TEX2: variants seen among roughly 807,000 people sequenced by gnomAD.
TEX2 encodes the protein testis-expressed protein 2.
In TEX2, 53 loss-of-function variants were observed where a neutral mutation model predicts 106.9. The observed-to-expected ratio is 0.50, with a 90% CI of 0.40 to 0.62. The LOEUF (loss-of-function observed/expected upper bound fraction) is 0.62, where lower values mean the gene tolerates loss of function less well. TEX2 is among the 20% of genes least tolerant of loss of function. The probability of loss-of-function intolerance (pLI) is 0.00; values close to 1 mark genes in which losing one functional copy is unlikely to be tolerated. For synonymous variants in TEX2, 523 were observed against 534.8 expected (o/e 0.98, Z 0.30); for missense variants, 1,207 against 1,379.0 (o/e 0.88, Z 1.98).
At chr17:64,194,801 C>T in intron 3 of TEX2, 94 bp downstream of exon 3, 1 of 1,255,528 alleles carries the variant, frequency 8.0e-7, no homozygotes, top group Non-Finnish European at 1.2e-6. Context: ...CGACCACAAA[C>T]CTTTTTAGGG....
rs1312607110 is a variant in TEX2, at chr17:64,147,465, G to C, written c.*1504C>G. 6.6e-6 allele frequency: 1 copy of C among 152,090 alleles called. No individual in the cohort carries two copies. Among genetic ancestry groups the C allele is most frequent in the Non-Finnish European group, 1.5e-5 (1 of 68,012 alleles). The allele number at this position is 152,090 out of a possible 1,614,324, so 9.4% of individuals were successfully genotyped here. ...TTTGACATTGAGATATTTATTTTGT[G>C]AAACAATGCAAGCGATTTTAAATCC... On this transcript the variant is annotated 3_prime_UTR_variant, in exon 12 of 12. Transcript: ENST00000584379.
chr17:64,168,902 C>CTTTTTTT (rs3070736), intron 7 of TEX2, among the ~76,000 whole-genome samples: 57,288 of 104,988 alleles, frequency 0.55, 16,768 homozygotes, highest in East Asian at 0.71. Flanking sequence ...ATAGATGGTG[C>CTTTTTTT]TTTTTTTTTT....
Position 64,152,961 on chromosome 17 carries a change from G to T in TEX2, c.3124C>A (p.Pro1042Thr). 1.2e-6 allele frequency: 2 copies of T among 1,614,144 alleles called. No homozygotes were observed. The highest frequency in any genetic ancestry group is 1.7e-6 in the Non-Finnish European group (2 of 1,180,028). ...TCTACGCACCATACTCGGTCAGTCG[G>T]GGGTGGTGGAATGTTGACCGCCAAG... ...GTLAVNIPPPPTDRVWYGFRK... is the reference protein window; with the variant it reads ...GTLAVNIPPPTTDRVWYGFRK... Residue 1042 changes from proline to threonine, a missense_variant, in exon 10 of 12, where the codon CCG (proline) becomes ACG (threonine). By Grantham distance (38) the Pro-to-Thr change is conservative. This residue lies in a region of TEX2 where 63 missense variants were observed against 112.2 expected (regional missense o/e 0.56). Transcript: ENST00000584379.
chr17:64,163,684 A>G (rs553518757), intron 7 of TEX2, among the ~76,000 whole-genome samples: 4 of 152,318 alleles, frequency 2.6e-5, no homozygotes, highest in African/African-American at 9.6e-5. Context: ...GTGAGTCAGG[A>G]GGCCCCTGCC....
In TEX2 at chr17:64,217,888, G is replaced by C. The variant is rs180775322; in HGVS notation, c.-25-3646C>G. Among the ~76,000 whole-genome samples, 1 of 152,134 alleles carries C rather than the reference G, an allele frequency of 6.6e-6. No individual in the cohort carries two copies. The highest frequency in any genetic ancestry group is 2.1e-4 in the South Asian group (1 of 4,824). ...GCCAGGCTCCCATAGGTATGATTTC[G>C]TGCTGGAGAGGTGTTTAAGCAAAAG... On this transcript the variant is annotated intron_variant, in intron 1 of 11. Coordinates refer to ENST00000584379, the MANE Select transcript of TEX2 (RefSeq NM_001288732.2). This position sits in a 1 kb window ranked among gnomAD's most constrained non-coding sequence, Gnocchi z 4.3.
intron 3 of TEX2, among the ~76,000 whole-genome samples, chr17:64,194,292 A>T (rs1262128427): frequency 1.3e-5 from 2 of 152,264 alleles, no homozygotes; most frequent in Non-Finnish European, 2.9e-5. Context: ...AACCTTGAGT[A>T]TCAAACTCAA....
chr17:64,207,202 G>T (rs1027150614), intron 2 of TEX2, among the ~76,000 whole-genome samples: 1 of 152,210 alleles, frequency 6.6e-6, no homozygotes, highest in Non-Finnish European at 1.5e-5. Context: ...TCTTAGTCCA[G>T]TCTGGCTGCA....
intron 5 of TEX2, among the ~76,000 whole-genome samples, chr17:64,179,710 G>A (rs2031771041): frequency 1.3e-5 from 2 of 151,966 alleles, no homozygotes; most frequent in Admixed American, 6.6e-5. Context: ...ATATTTTACA[G>A]GAGTCCTTCA....
intron 2 of TEX2, among the ~76,000 whole-genome samples, chr17:64,208,009 C>T (rs1304912768): frequency 2.0e-5 from 3 of 152,196 alleles, no homozygotes; most frequent in Non-Finnish European, 2.9e-5. Context: ...GCTGGGATTA[C>T]AGGCGTGAGC....
intron 1 of TEX2, among the ~76,000 whole-genome samples, chr17:64,219,561 G>A (rs1293997307): frequency 2.2e-5 from 3 of 133,396 alleles, no homozygotes; most frequent in African/African-American, 8.3e-5. Flanking sequence ...ATATCTAAAG[G>A]GAGAATTACA....
At chr17:64,222,347 G>A (rs1410333039) in intron 1 of TEX2, among the ~76,000 whole-genome samples, 3 of 151,686 alleles carry the variant, frequency 2.0e-5, no homozygotes, top group Non-Finnish European at 4.4e-5. Flanking sequence ...GGTGAAACCC[G>A]TCTCTACTAA....
intron 6 of TEX2, among the ~76,000 whole-genome samples, chr17:64,171,506 G>C (rs920820454): frequency 2.6e-5 from 4 of 152,088 alleles, no homozygotes; most frequent in African/African-American, 9.7e-5. Flanking sequence ...GTAATGGGCA[G>C]AGGGAACACG....
At chr17:64,156,711 G>C (rs1035313179) in intron 8 of TEX2, among the ~76,000 whole-genome samples, 1 of 152,212 alleles carries the variant, frequency 6.6e-6, no homozygotes, top group Non-Finnish European at 1.5e-5. Flanking sequence ...GGCAGTGCCT[G>C]AGGCTCTCTG....
chr17:64,250,523 G>C (rs1183704771), intron 1 of TEX2, among the ~76,000 whole-genome samples: 1 of 152,160 alleles, frequency 6.6e-6, no homozygotes, highest in African/African-American at 2.4e-5. Context: ...AGAGTTTACT[G>C]CATGGTCCAC....
At chr17:64,197,722 C>T (rs1282969233) in intron 2 of TEX2, among the ~76,000 whole-genome samples, 2 of 152,072 alleles carry the variant, frequency 1.3e-5, no homozygotes, top group African/African-American at 2.4e-5. Flanking sequence ...CTACACCAAG[C>T]TAATTTTTTT....
intron 5 of TEX2, among the ~76,000 whole-genome samples, chr17:64,182,905 TTG>T (rs1237565417): frequency 6.7e-6 from 1 of 148,564 alleles, no homozygotes; most frequent in Non-Finnish European, 1.5e-5. Flanking sequence ...GCCACTTTTG[TTG>T]TGTTTTTTTT....
intron 1 of TEX2, among the ~76,000 whole-genome samples, chr17:64,258,480 G>A (rs2143525804): frequency 6.6e-6 from 1 of 152,234 alleles, no homozygotes; most frequent in African/African-American, 2.4e-5. Flanking sequence ...ATTGATAATA[G>A]TATCTACTAT....
intron 5 of TEX2, among the ~76,000 whole-genome samples, chr17:64,181,680 A>T (rs1390557305): frequency 6.6e-6 from 1 of 151,500 alleles, no homozygotes; most frequent in African/African-American, 2.4e-5. Context: ...ACGCCTGGCT[A>T]ATTTTTTGTA....
chr17:64,161,574 CTT>C (rs1368260082), intron 7 of TEX2, among the ~76,000 whole-genome samples: 1 of 152,114 alleles, frequency 6.6e-6, no homozygotes, highest in Non-Finnish European at 1.5e-5. Context: ...TGCATAATCA[CTT>C]TGTACCTTAG....
Sources: gnomAD v4.1 joint callset for allele counts (sites outside exome capture counted in the v4.1 genomes callset) on GRCh38, gnomAD v4.1.1 for gene constraint, gnomAD v4.1.1 regional missense constraint, Gnocchi (gnomAD v3.1) non-coding constraint, MANE v1.5 for transcripts, NCBI Gene and HGNC (gene_info 2026-07-23, HGNC 2026-07-21) for gene names.